MDFI: variants seen among roughly 807,000 people sequenced by gnomAD.
MDFI encodes MyoD family inhibitor.
MDFI carries 16 observed loss-of-function variants against 22.3 expected under a neutral mutation model. The observed-to-expected ratio is 0.72, with a 90% CI of 0.49 to 1.09. The LOEUF is 1.09. MDFI is among the 50% of genes least tolerant of loss of function. MDFI has a pLI of 0.00. For missense variants in MDFI, 314 were observed against 326.1 expected (o/e 0.96, Z 0.29); for synonymous variants, 145 against 142.7 (o/e 1.02, Z -0.12).
chr6:41,643,540 G>GGGAAGGAAGGAA (rs1561829531), intron 2 of MDFI, among the ~76,000 whole-genome samples: 1 of 64,140 alleles, frequency 1.6e-5, no homozygotes, highest in African/African-American at 5.2e-5. Flanking sequence ...GAGGGAAGGA[G>GGGAAGGAAGGAA]GGAAGGAGGG....
At chr6:41,651,509 A>G (rs4711687) in intron 4 of MDFI, among the ~76,000 whole-genome samples, 105,797 of 149,890 alleles carry the variant, frequency 0.71, 40,268 homozygotes, top group Middle Eastern at 0.86. Flanking sequence ...TGAGACTCCT[A>G]GCAGGCAGGG....
chr6:41,646,323 G>T lies in MDFI; in HGVS notation c.259+15G>T, dbSNP rs906099868. The T allele has an allele frequency of 1.9e-5, 27 of 1,402,698 alleles. No homozygotes were observed. The highest frequency in any genetic ancestry group is 1.7e-4 in the East Asian group (6 of 36,280). 86.9% of individuals were successfully genotyped at this position (1,402,698 alleles called of 1,614,324 possible). ...AGCTGTGACATGTGAGTCCTAGGGG[G>T]CCAGGAGGTTGGATGGCAACATGTA... On this transcript the variant is annotated intron_variant, in intron 3 of 4. Transcript: ENST00000230321.
chr6:41,637,645 C>G (rs953059901), upstream of MDFI, among the ~76,000 whole-genome samples: 4 of 152,074 alleles, frequency 2.6e-5, no homozygotes, highest in African/African-American at 9.7e-5. The surrounding 1 kb of genome is among the most constrained non-coding windows in gnomAD (Gnocchi z 6.8). Context: ...TGCCTGGCAG[C>G]GGCTTCTTCC....
rs571650113 is a variant in MDFI at position 41,643,996 on chromosome 6, T to C, written c.77-2130T>C. On this transcript the variant is annotated intron_variant, in intron 2 of 4. Coordinates refer to ENST00000230321, the MANE Select transcript of MDFI (RefSeq NM_005586.4). ...AGCAAGGTGCCTCTGGGGGCCAGGG[T>C]CCGGAGCTAGGCAGGCCCCTGGTTT... is the stretch of plus-strand genomic sequence containing the variant. Among the ~76,000 whole-genome samples the C allele has an allele frequency of 1.8e-4, 27 of 152,070 alleles. No homozygotes were observed. In the South Asian group the frequency reaches 5.4e-3, roughly 30 times the overall value.
chr6:41,647,877 C>T (rs897771757), intron 3 of MDFI, among the ~76,000 whole-genome samples: 2 of 151,704 alleles, frequency 1.3e-5, no homozygotes, highest in African/African-American at 4.8e-5. Flanking sequence ...CCCATCCCTA[C>T]TAAAAAATAC....
In MDFI at chr6:41,653,577, C is replaced by T. The variant is rs748493373; in HGVS notation, c.*2C>T. 3.1e-6 allele frequency: 5 copies of T among 1,599,822 alleles called. No homozygotes were observed. The highest frequency in any genetic ancestry group is 4.2e-6 in the Non-Finnish European group (5 of 1,179,704). ...TGTGGGCTCTGCTTCTCCTCCTGAG[C>T]CTCTGTCGGGGGCTAAGCCAGCCTG... On this transcript the variant is annotated 3_prime_UTR_variant, in exon 5 of 5. Coordinates refer to ENST00000230321, the MANE Select transcript of MDFI (RefSeq NM_005586.4). This position sits in a 1 kb window ranked among gnomAD's most constrained non-coding sequence, Gnocchi z 4.2.
intron 2 of MDFI, among the ~76,000 whole-genome samples, chr6:41,644,728 A>C (rs1228590073): frequency 2.8e-4 from 38 of 134,656 alleles, no homozygotes; most frequent in East Asian, 4.4e-4. Flanking sequence ...TCTCTCCCCC[A>C]CCCCCACTCT....
chr6:41,646,183 C>T lies in MDFI; in HGVS notation c.134C>T (p.Ala45Val), dbSNP rs144261097. The T allele has an allele frequency of 8.2e-6, 13 of 1,588,992 alleles. 1 individual carries two copies. The highest frequency in any genetic ancestry group is 5.7e-5 in the South Asian group (5 of 87,212). ...LEVVTGSTHP[A>V]EAAPEEGSLE... ...GTAGTAACAGGATCCACTCACCCTG[C>T]GGAGGCAGCACCAGAGGAGGGCTCC... The change falls in exon 3 of 5, where the codon GCG (alanine) becomes GTG (valine). Residue 45 changes from alanine to valine, a missense_variant. Transcript: ENST00000230321.
At chr6:41,644,891 CTCA>C (rs1473040084) in intron 2 of MDFI, among the ~76,000 whole-genome samples, 1 of 151,898 alleles carries the variant, frequency 6.6e-6, no homozygotes, top group Non-Finnish European at 1.5e-5. Flanking sequence ...CCTGCTGTTT[CTCA>C]TCATCTCCCT....
chr6:41,638,779 T>C lies in MDFI; in HGVS notation c.30T>C (p.Ser10=), dbSNP rs1051256406. ...ACCAGGTGAGCGGCCAGCGCCCCTCTGGCTGCGACGCGCCCTATGGAGCCC... is the reference window on the plus strand; with the variant it reads ...ACCAGGTGAGCGGCCAGCGCCCCTCCGGCTGCGACGCGCCCTATGGAGCCC... MYQVSGQRP[S]GCDAPYGAPS... The change falls in exon 2 of 5, where the codon TCT becomes TCC. Residue 10 remains serine, a synonymous_variant. Coordinates refer to ENST00000230321, the MANE Select transcript of MDFI (RefSeq NM_005586.4). The surrounding 1 kb of genome is among the most constrained non-coding windows in gnomAD (Gnocchi z 7.6). 3 of 1,571,588 alleles carry C rather than the reference T, an allele frequency of 1.9e-6. No individual in the cohort carries two copies. Among genetic ancestry groups the C allele is most frequent in the Admixed American group, 3.7e-5 (2 of 54,786 alleles).
At chr6:41,639,321 C>T in intron 2 of MDFI, 1 of 985,344 alleles carries the variant, frequency 1.0e-6, no homozygotes. Flanking sequence ...CTCTTTCTTG[C>T]CATCCCTTCT....
intron 3 of MDFI, among the ~76,000 whole-genome samples, chr6:41,646,558 G>A (rs906703966): frequency 1.3e-5 from 2 of 152,166 alleles, no homozygotes; most frequent in African/African-American, 4.8e-5. Context: ...CAGAGAGCAT[G>A]CGGCTACCTG....
chr6:41,648,243 T>C (rs1047600453), intron 3 of MDFI, among the ~76,000 whole-genome samples: 5 of 152,072 alleles, frequency 3.3e-5, no homozygotes, highest in Non-Finnish European at 5.9e-5. Context: ...ACTTGCTAGC[T>C]GTGTGACCTT....
At chr6:41,640,469 A>G (rs1295074047) in intron 2 of MDFI, among the ~76,000 whole-genome samples, 1 of 152,106 alleles carries the variant, frequency 6.6e-6, no homozygotes, top group African/African-American at 2.4e-5. Flanking sequence ...CCCCCTCCCC[A>G]GCCTGGGCTG....
At chr6:41,644,156 GCTC>G (rs1029686226) in intron 2 of MDFI, among the ~76,000 whole-genome samples, 6 of 152,158 alleles carry the variant, frequency 3.9e-5, no homozygotes, top group African/African-American at 1.2e-4. Flanking sequence ...CCACTTGCCT[GCTC>G]CTCCTTGTCC....
chr6:41,652,159 G>A (rs1045944001), intron 4 of MDFI, among the ~76,000 whole-genome samples: 5 of 152,168 alleles, frequency 3.3e-5, no homozygotes, highest in East Asian at 3.9e-4. Context: ...GGAAGGCCTC[G>A]GTGAGAGGTG....
intron 2 of MDFI, among the ~76,000 whole-genome samples, chr6:41,643,928 C>G (rs939444718): frequency 5.6e-4 from 85 of 152,296 alleles, no homozygotes; most frequent in African/African-American, 1.9e-3. Flanking sequence ...CTCATTACAC[C>G]CTGTGGGAGA....
chr6:41,645,077 A>G (rs1443776079), intron 2 of MDFI, among the ~76,000 whole-genome samples: 1 of 151,448 alleles, frequency 6.6e-6, no homozygotes, highest in African/African-American at 2.4e-5. Context: ...TCCCAACATG[A>G]TATTTGGGGA....
At chr6:41,644,449 C>T (rs1767973077) in intron 2 of MDFI, among the ~76,000 whole-genome samples, 1 of 152,158 alleles carries the variant, frequency 6.6e-6, no homozygotes, top group African/African-American at 2.4e-5. Flanking sequence ...GGGCCTGCCG[C>T]CCTCTGTGCT....
Sources: allele counts gnomAD v4.1 joint callset (sites outside exome capture counted in the v4.1 genomes callset), GRCh38; gene constraint gnomAD v4.1.1; non-coding constraint Gnocchi (gnomAD v3.1); transcripts MANE v1.5; gene names NCBI Gene and HGNC (gene_info 2026-07-23, HGNC 2026-07-21).